Variants in CRYBG1 observed in about 807,000 individuals in gnomAD.
CRYBG1 encodes crystallin beta-gamma domain containing 1.
CRYBG1 carries 139 observed loss-of-function variants against 189.2 expected under a neutral mutation model. That is an observed-to-expected ratio of 0.73 (90% CI 0.64 to 0.85). The LOEUF (loss-of-function observed/expected upper bound fraction) is 0.85, where lower values mean the gene tolerates loss of function less well. Among genes scored for constraint, CRYBG1 ranks in the 40% least tolerant of loss-of-function variants. The pLI, the probability that CRYBG1 is intolerant of heterozygous loss-of-function variation, is 0.00. For synonymous variants in CRYBG1, 1,023 were observed against 1,017.1 expected (o/e 1.01, Z -0.11); for missense variants, 2,611 against 2,675.8 (o/e 0.98, Z 0.53).
intron 6 of CRYBG1, among the ~76,000 whole-genome samples, chr6:106,526,799 G>C (rs1773747487): frequency 6.6e-6 from 1 of 151,924 alleles, no homozygotes; most frequent in Non-Finnish European, 1.5e-5. Flanking sequence ...AAATCAGCCA[G>C]GCTTGGTGGC....
At chr6:106,486,414 G>T (rs1772593435) in intron 2 of CRYBG1, among the ~76,000 whole-genome samples, 1 of 152,058 alleles carries the variant, frequency 6.6e-6, no homozygotes. Context: ...AGAAGAATGT[G>T]TATTTTGCAG....
intron 2 of CRYBG1, among the ~76,000 whole-genome samples, chr6:106,452,624 C>CT (rs1771807199): frequency 6.6e-6 from 1 of 152,016 alleles, no homozygotes; most frequent in South Asian, 2.1e-4. Flanking sequence ...AGCACTTATG[C>CT]TTTTTTCTAC....
At chr6:106,376,393 C>A (rs1350897881) in intron 1 of CRYBG1, among the ~76,000 whole-genome samples, 2 of 152,182 alleles carry the variant, frequency 1.3e-5, no homozygotes, top group African/African-American at 2.4e-5. Flanking sequence ...ACTCTCCACC[C>A]TCCTCTGTGC....
chr6:106,552,080 T>G, intron 14 of CRYBG1, 102 bp downstream of exon 14: 1 of 1,451,268 alleles, frequency 6.9e-7, no homozygotes, highest in Non-Finnish European at 9.5e-7. Flanking sequence ...GAAAATATTC[T>G]GAGTTTATTT....
At chr6:106,465,707 T>A (rs6927881) in intron 2 of CRYBG1, among the ~76,000 whole-genome samples, 6 of 151,976 alleles carry the variant, frequency 3.9e-5, no homozygotes, top group African/African-American at 1.5e-4. Context: ...TATTAATTCA[T>A]CTCATTATTA....
intron 1 of CRYBG1, among the ~76,000 whole-genome samples, chr6:106,399,126 C>G (rs1770669504): frequency 6.6e-6 from 1 of 152,168 alleles, no homozygotes; most frequent in Non-Finnish European, 1.5e-5. Flanking sequence ...CTTGAAAATT[C>G]CAATTTAATT....
chr6:106,475,460 T>C (rs1284006961), intron 2 of CRYBG1, among the ~76,000 whole-genome samples: 1 of 152,156 alleles, frequency 6.6e-6, no homozygotes, highest in Non-Finnish European at 1.5e-5. Context: ...GGCTTTGCTG[T>C]GTGAATCAGA....
chr6:106,492,384 A>G (rs1772743365), intron 2 of CRYBG1, among the ~76,000 whole-genome samples: 1 of 152,262 alleles, frequency 6.6e-6, no homozygotes. Flanking sequence ...AAGTAATAGT[A>G]CCAAACAAAT....
At position 106,568,528 on chromosome 6, in the gene CRYBG1, T is replaced by C; in HGVS notation, c.6358T>C (p.Phe2120Leu). 6.2e-7 allele frequency: 1 copy of C among 1,613,870 alleles called. No homozygotes were observed. The highest frequency in any genetic ancestry group is 8.5e-7 in the Non-Finnish European group (1 of 1,179,740). The change falls in exon 22 of 22, where the codon TTT (phenylalanine) becomes CTT (leucine). Residue 2120 changes from phenylalanine to leucine, a missense_variant. Coordinates refer to ENST00000633556, the MANE Select transcript of CRYBG1 (RefSeq NM_001371242.2). ...IILNTVSKEK[F>L]TQVWEAMVLY... Reference sequence around the variant, plus strand: ...CCTCAACACTGTCAGCAAAGAGAAGTTTACACAAGTGTGGGAAGCCATGGT... The same window carrying C: ...CCTCAACACTGTCAGCAAAGAGAAGCTTACACAAGTGTGGGAAGCCATGGT...
At chr6:106,430,715 A>G (rs983213967) in intron 1 of CRYBG1, among the ~76,000 whole-genome samples, 1 of 151,644 alleles carries the variant, frequency 6.6e-6, no homozygotes, top group Non-Finnish European at 1.5e-5. Context: ...TTCTTCCCAT[A>G]TTATCTCGTG....
chr6:106,551,522 G>C (rs779138872), intron 13 of CRYBG1, among the ~76,000 whole-genome samples: 4 of 152,174 alleles, frequency 2.6e-5, no homozygotes, highest in Non-Finnish European at 5.9e-5. Flanking sequence ...GTTTTCCCCT[G>C]GGTATATCCC....
chr6:106,440,270 T>TCTCTC (rs1554235836), intron 1 of CRYBG1, among the ~76,000 whole-genome samples: 134 of 132,846 alleles, frequency 1.0e-3, no homozygotes, highest in Middle Eastern at 4.4e-3. Flanking sequence ...CTCTCTCTCT[T>TCTCTC]TTTTTTTCTT....
intron 1 of CRYBG1, among the ~76,000 whole-genome samples, chr6:106,451,266 G>A (rs958633641): frequency 1.3e-5 from 2 of 152,106 alleles, no homozygotes; most frequent in African/African-American, 4.8e-5. Context: ...AGTCTAGATT[G>A]TTTCTCTAAC....
rs765620772 is a variant in CRYBG1 at position 106,512,126 on chromosome 6, A to G, written c.1009A>G (p.Lys337Glu). 1.1e-5 allele frequency: 17 copies of G among 1,534,206 alleles called. No homozygotes were observed. Among genetic ancestry groups the G allele is most frequent in the African/African-American group, 1.4e-5 (1 of 72,972 alleles). ...GPRNARSQPP[K>E]GASDLPGEPP... ...CCGCAACGCCCGCAGCCAGCCCCCC[A>G]AGGGCGCGTCTGATTTGCCAGGTGA... Residue 337 changes from lysine (K) to glutamate (E), a missense_variant, in exon 3 of 22, where the codon AAG (lysine) becomes GAG (glutamate). This residue lies in a region of CRYBG1 where 985 missense variants were observed against 924.4 expected (regional missense o/e 1.07). Transcript: ENST00000633556.
intron 2 of CRYBG1, among the ~76,000 whole-genome samples, chr6:106,504,001 T>C (rs368957360): frequency 3.5e-5 from 5 of 142,014 alleles, no homozygotes; most frequent in African/African-American, 1.3e-4. Flanking sequence ...AGGATGATAT[T>C]ATTGTTTGGC....
At chr6:106,431,963 G>T (rs1771333811) in intron 1 of CRYBG1, among the ~76,000 whole-genome samples, 1 of 152,098 alleles carries the variant, frequency 6.6e-6, no homozygotes, top group Non-Finnish European at 1.5e-5. Flanking sequence ...TCTTTACATT[G>T]TTTACTTAGG....
At chr6:106,446,177 AG>A (rs1248547877) in intron 1 of CRYBG1, among the ~76,000 whole-genome samples, 3 of 152,246 alleles carry the variant, frequency 2.0e-5, no homozygotes, top group Admixed American at 6.5e-5. Context: ...AGCAGGAAAG[AG>A]GTTGCTCAGT....
Position 106,561,459 on chromosome 6 carries a change from G to T in CRYBG1, c.6097G>T (p.Asp2033Tyr). The change falls in exon 20 of 22, where the codon GAT becomes TAT. Residue 2033 changes from aspartate (D) to tyrosine (Y), a missense_variant. By Grantham distance (160) the Asp-to-Tyr change is radical (BLOSUM62 -3). Coordinates refer to ENST00000633556, the MANE Select transcript of CRYBG1 (RefSeq NM_001371242.2). ...GGTCATGGAGGATGTCGGGGCCGAT[G>T]ATCAGATTTGGATCTATCAAGAAGG... The part of the protein sequence containing the change: ...IQVMEDVGAD[D>Y]QIWIYQEGCI... The T allele has an allele frequency of 6.2e-7, 1 of 1,614,154 alleles. No homozygotes were observed. Among genetic ancestry groups the T allele is most frequent in the Non-Finnish European group, 8.5e-7 (1 of 1,179,986 alleles).
In CRYBG1 at chr6:106,462,133, TC is replaced by T. The variant is rs377753795; in HGVS notation, c.312+10302del. Among the ~76,000 whole-genome samples, 403 of 151,902 alleles carry T rather than the reference TC, an allele frequency of 2.7e-3. 2 individuals carry two copies. Among genetic ancestry groups the T allele is most frequent in the African/African-American group, 9.3e-3 (385 of 41,510 alleles). The stretch of plus-strand genomic sequence containing the variant: ...ATACTCATTTAGCTATTCTTTTTTT[TC>T]TGAAGTTTTTTGTTTGTTTGTTTTT... On this transcript the variant is annotated intron_variant, in intron 2 of 21. Coordinates refer to ENST00000633556, the MANE Select transcript of CRYBG1 (RefSeq NM_001371242.2).
Sources: allele counts gnomAD v4.1 joint callset (sites outside exome capture counted in the v4.1 genomes callset), GRCh38; gene constraint gnomAD v4.1.1; regional missense constraint gnomAD v4.1.1; transcripts MANE v1.5; gene names NCBI Gene and HGNC (gene_info 2026-07-23, HGNC 2026-07-21).